The following MARK2 variants were observed in gnomAD, a reference collection of about 807,000 sequenced individuals.
MARK2 encodes microtubule affinity regulating kinase 2.
A neutral mutation model predicts 89.8 loss-of-function variants in MARK2; 16 were observed. The ratio of observed to expected loss-of-function variants is 0.18; its 90% CI spans 0.12 to 0.27. The LOEUF is 0.27. MARK2 is among the 10% of genes least tolerant of loss of function. The probability of loss-of-function intolerance (pLI) is 1.00; values close to 1 mark genes in which losing one functional copy is unlikely to be tolerated. For synonymous variants in MARK2, 382 were observed against 399.5 expected (o/e 0.96, Z 0.52); for missense variants, 621 against 1,049.9 (o/e 0.59, Z 5.65).
chr11:63,875,952 T>TA (rs1243030051), intron 1 of MARK2, among the ~76,000 whole-genome samples: 1 of 152,222 alleles, frequency 6.6e-6, no homozygotes, highest in East Asian at 1.9e-4. Context: ...AGAATGGACT[T>TA]ACTCTGGCCA....
At chr11:63,864,022 C>T (rs1363845130) in intron 1 of MARK2, among the ~76,000 whole-genome samples, 16 of 152,066 alleles carry the variant, frequency 1.1e-4, no homozygotes, top group Non-Finnish European at 1.5e-4. Context: ...GGCGCGATCT[C>T]GGTTTGCTGC....
intron 1 of MARK2, among the ~76,000 whole-genome samples, chr11:63,863,734 G>A (rs1285351636): frequency 6.6e-6 from 1 of 151,648 alleles, no homozygotes; most frequent in East Asian, 1.9e-4. Flanking sequence ...AAAGTGCTGG[G>A]ATTACAGGTG....
chr11:63,905,964 C>T, intron 16 of MARK2, 124 bp from the exon 17 acceptor site: 1 of 732,452 alleles, frequency 1.4e-6, no homozygotes, highest in Non-Finnish European at 1.9e-6. Flanking sequence ...AGCGGCTCTT[C>T]CGAAAATGGG....
chr11:63,861,436 G>GA (rs1234090418), intron 1 of MARK2, among the ~76,000 whole-genome samples: 214 of 148,588 alleles, frequency 1.4e-3, no homozygotes, highest in African/African-American at 4.3e-3. Flanking sequence ...CTCCGTCTCA[G>GA]AAAAAAAAAA....
At chr11:63,841,168 G>A (rs995092949) in intron 1 of MARK2, among the ~76,000 whole-genome samples, 4 of 152,106 alleles carry the variant, frequency 2.6e-5, no homozygotes, top group Non-Finnish European at 5.9e-5. Context: ...GCCCGGTAGA[G>A]CAGTTGTTGT....
intron 1 of MARK2, among the ~76,000 whole-genome samples, chr11:63,842,303 G>A (rs2016058166): frequency 6.7e-6 from 1 of 149,530 alleles, no homozygotes; most frequent in Non-Finnish European, 1.5e-5. Flanking sequence ...TGCAATCTCC[G>A]CCTCCTGGGT....
rs552187436 is a variant in MARK2 at position 63,904,052 on chromosome 11, C to G, written c.1581C>G (p.Pro527=). 28 of 1,608,786 alleles carry G rather than the reference C, an allele frequency of 1.7e-5. No individual in the cohort carries two copies. The highest frequency in any genetic ancestry group is 1.3e-4 in the Admixed American group (8 of 59,976). Residue 527 remains proline (P), a synonymous_variant, in exon 15 of 19, where the codon CCC becomes CCG. Transcript: ENST00000402010. This position sits in a 1 kb window ranked among gnomAD's most constrained non-coding sequence, Gnocchi z 6.3. ...SASAAVSAAR[P]RQHQKSMSAS... Reference sequence around the variant, plus strand: ...CTGCCGCAGTCTCTGCGGCCCGGCCCCGCCAGCACCAGAAATCCATGTCGG... The same window carrying G: ...CTGCCGCAGTCTCTGCGGCCCGGCCGCGCCAGCACCAGAAATCCATGTCGG...
intron 11 of MARK2, among the ~76,000 whole-genome samples, chr11:63,901,642 C>T (rs1487492634): frequency 6.8e-6 from 1 of 148,120 alleles, no homozygotes; most frequent in Non-Finnish European, 1.5e-5. Context: ...CCATACCCGG[C>T]TATTGAGTCT....
rs56308004 is a variant in MARK2, at chr11:63,901,692, C to CTGTGTGTGTGTG, written c.1102-486_1102-475dup. Among the ~76,000 whole-genome samples, 557 of 134,794 alleles carry CTGTGTGTGTGTG rather than the reference C, an allele frequency of 4.1e-3. 9 individuals are homozygous for CTGTGTGTGTGTG. Among genetic ancestry groups the CTGTGTGTGTGTG allele is most frequent in the East Asian group, 0.035 (149 of 4,260 alleles). 88.4% of individuals were successfully genotyped at this position (134,794 alleles called of 152,430 possible). On this transcript the variant is annotated intron_variant, in intron 11 of 18. Transcript: ENST00000402010. ...GTGCTTTATGTTTGGGTGTGTGTAT[C>CTGTGTGTGTGTG]TGTGTGTGTGTGTGTGTGTGTGTGT...
chr11:63,903,809 CCA>C lies in MARK2; in HGVS notation c.1515-175_1515-174del, dbSNP rs1941094507. On this transcript the variant is annotated intron_variant, in intron 14 of 18. Coordinates refer to ENST00000402010, the MANE Select transcript of MARK2 (RefSeq NM_001039469.3). This position sits in a 1 kb window ranked among gnomAD's most constrained non-coding sequence, Gnocchi z 5.1. ...CGCTGCTTCCCGACCTCACTCACCT[CCA>C]CTTCTCAGCCCCGCATTCCTCAGTT... Among the ~76,000 whole-genome samples the C allele has an allele frequency of 6.6e-6, 1 of 152,058 alleles. No homozygotes were observed. The highest frequency in any genetic ancestry group is 6.6e-5 in the Admixed American group (1 of 15,266).
intron 1 of MARK2, among the ~76,000 whole-genome samples, chr11:63,840,069 C>G (rs2015931895): frequency 6.6e-6 from 1 of 152,160 alleles, no homozygotes; most frequent in South Asian, 2.1e-4. Context: ...GATCCCTGGC[C>G]CCTTGCAGTT....
At chr11:63,881,631 T>G (rs538681976) in intron 1 of MARK2, among the ~76,000 whole-genome samples, 1 of 151,768 alleles carries the variant, frequency 6.6e-6, no homozygotes, top group South Asian at 2.1e-4. Flanking sequence ...ATGAGGGGGT[T>G]AAGGTATGGG....
At position 63,857,752 on chromosome 11, in the gene MARK2, G is replaced by A. The variant is rs115546282; in HGVS notation, c.54+18192G>A. ...TGGGTGTTCAGTTATTTTTCAAAATGCAAAGAGTCCTGAAACCAAAAACTG... is the reference window on the plus strand; with the variant it reads ...TGGGTGTTCAGTTATTTTTCAAAATACAAAGAGTCCTGAAACCAAAAACTG... On this transcript the variant is annotated intron_variant, in intron 1 of 18. Coordinates refer to ENST00000402010, the MANE Select transcript of MARK2 (RefSeq NM_001039469.3). 3.6e-3 allele frequency among the ~76,000 whole-genome samples: 550 copies of A among 152,264 alleles called. 5 individuals carry two copies. Among genetic ancestry groups the A allele is most frequent in the African/African-American group, 0.012 (518 of 41,548 alleles).
intron 1 of MARK2, among the ~76,000 whole-genome samples, chr11:63,893,551 CTT>C (rs1289049203): frequency 1.3e-5 from 2 of 151,856 alleles, no homozygotes; most frequent in Non-Finnish European, 2.9e-5. Context: ...TTTCATTTCT[CTT>C]TTGTATATAC....
intron 1 of MARK2, among the ~76,000 whole-genome samples, chr11:63,847,494 G>A (rs1347532624): frequency 6.6e-6 from 1 of 152,178 alleles, no homozygotes; most frequent in African/African-American, 2.4e-5. Context: ...GGGCTTCTCT[G>A]TAGAACCAGT....
chr11:63,902,836 C>T lies in MARK2; in HGVS notation c.1416+54C>T. The stretch of plus-strand genomic sequence containing the variant: ...CTTCCTGCGGTGGGGCCTGCCCTCT[C>T]CAGGCAGCTCTTCTCTTAATTCAGA... On this transcript the variant is annotated intron_variant, in intron 13 of 18. Transcript: ENST00000402010. This position sits in a 1 kb window ranked among gnomAD's most constrained non-coding sequence, Gnocchi z 4.2. 2.8e-6 allele frequency: 4 copies of T among 1,417,390 alleles called. No individual in the cohort carries two copies. The highest frequency in any genetic ancestry group is 2.3e-5 in the South Asian group (2 of 85,524). 87.8% of individuals were successfully genotyped at this position (1,417,390 alleles called of 1,614,324 possible).
intron 6 of MARK2, 59 bp downstream of exon 6, chr11:63,898,892 G>A: frequency 6.7e-7 from 1 of 1,489,266 alleles, no homozygotes; most frequent in Non-Finnish European, 9.4e-7. Context: ...GGTTTGACAT[G>A]TAAGGATAAG....
chr11:63,892,897 T>C lies in MARK2; in HGVS notation c.55-2262T>C, dbSNP rs561568329. ...GGTGCATGCCACCACACCCAGTTGA[T>C]TTCTTAATTTTTTTTTTTTTTTTTT... is the stretch of plus-strand genomic sequence containing the variant. On this transcript the variant is annotated intron_variant, in intron 1 of 18. Transcript: ENST00000402010. 9.5e-3 allele frequency among the ~76,000 whole-genome samples: 1,416 copies of C among 149,290 alleles called. 13 individuals carry two copies. Among genetic ancestry groups the C allele is most frequent in the South Asian group, 0.05 (235 of 4,720 alleles).
chr11:63,856,097 G>A (rs980364461), intron 1 of MARK2, among the ~76,000 whole-genome samples: 6 of 152,090 alleles, frequency 3.9e-5, no homozygotes, highest in East Asian at 3.9e-4. Flanking sequence ...TGTCTTGATC[G>A]GTTGGTTGGT....
Sources: allele counts gnomAD v4.1 joint callset (sites outside exome capture counted in the v4.1 genomes callset), GRCh38; gene constraint gnomAD v4.1.1; non-coding constraint Gnocchi (gnomAD v3.1); transcripts MANE v1.5; gene names NCBI Gene and HGNC (gene_info 2026-07-23, HGNC 2026-07-21).